Variants in PSME3 observed in about 807,000 individuals in gnomAD.
PSME3 encodes proteasome activator subunit 3.
In PSME3, 7 loss-of-function variants were observed where a neutral mutation model predicts 38.3. The observed-to-expected ratio is 0.18, with a 90% CI of 0.10 to 0.34. The LOEUF (loss-of-function observed/expected upper bound fraction) is 0.34, where lower values mean the gene tolerates loss of function less well. Among genes scored for constraint, PSME3 ranks in the 10% least tolerant of loss-of-function variants. PSME3 has a pLI of 1.00. For synonymous variants in PSME3, 108 were observed against 105.7 expected (o/e 1.02, Z -0.13); for missense variants, 192 against 307.6 (o/e 0.62, Z 2.81).
rs2055486529 is a variant in PSME3, at chr17:42,838,171, C to G, written c.371C>G (p.Pro124Arg). 6.2e-7 allele frequency: 1 copy of G among 1,613,992 alleles called. No individual in the cohort carries two copies. The highest frequency in any genetic ancestry group is 1.7e-5 in the Admixed American group (1 of 59,990). The change falls in exon 6 of 11, where the codon CCT (proline) becomes CGT (arginine). Residue 124 changes from proline (P) to arginine (R), a missense_variant. This residue lies in a region of PSME3 where 82 missense variants were observed against 168.2 expected (regional missense o/e 0.49). Transcript: ENST00000590720. ...GTGGACATTATTGAGAAAGTGAAAC[C>G]TGAGATCCGGCTGTTGATTGAGAAA... Reference protein sequence around the residue: ...QLVDIIEKVKPEIRLLIEKCN... With the variant: ...QLVDIIEKVKREIRLLIEKCN...
intron 10 of PSME3, among the ~76,000 whole-genome samples, chr17:42,839,628 G>A (rs1413609401): frequency 6.6e-6 from 1 of 152,168 alleles, no homozygotes; most frequent in East Asian, 1.9e-4. Flanking sequence ...GACAGACTTA[G>A]GTTTGCAACC....
chr17:42,834,296 T>C (rs750572912), intron 1 of PSME3, 48 bp from the exon 2 acceptor site: 1 of 1,613,520 alleles, frequency 6.2e-7, no homozygotes, highest in Non-Finnish European at 8.5e-7. Context: ...TCCATCCTGC[T>C]CTTACCTCTG....
At chr17:42,841,053 AACCT>A (rs1368065285) in intron 10 of PSME3, among the ~76,000 whole-genome samples, 13 of 151,618 alleles carry the variant, frequency 8.6e-5, no homozygotes, top group Non-Finnish European at 1.9e-4. Context: ...GAATGGCATG[AACCT>A]GGGAGGCGGA....
Position 42,839,160 on chromosome 17 carries a change from C to T in PSME3, c.591C>T (p.Pro197=), listed in dbSNP as rs773243590. ...AKLVSKIAKY[P]HVEDYRRTVT... is the part of the protein sequence containing the mutation. ...TGGTTTCTAAAATAGCTAAATATCC[C>T]CATGTGGTAAGTAAGGGGTTTGTGG... The change falls in exon 9 of 11, where the codon CCC becomes CCT. Residue 197 remains proline (P), a synonymous_variant. Coordinates refer to ENST00000590720, the MANE Select transcript of PSME3 (RefSeq NM_005789.4). The T allele has an allele frequency of 3.8e-6, 6 of 1,580,970 alleles. No homozygotes were observed. Among genetic ancestry groups the T allele is most frequent in the Admixed American group, 1.7e-5 (1 of 59,952 alleles).
chr17:42,841,224 A>AAT (rs1488004420), intron 10 of PSME3, among the ~76,000 whole-genome samples: 2 of 152,200 alleles, frequency 1.3e-5, no homozygotes, highest in Non-Finnish European at 2.9e-5. Context: ...ATGTATATCA[A>AAT]AACCAAGTTT....
intron 5 of PSME3, 75 bp from the exon 6 acceptor site, chr17:42,838,018 G>A: frequency 1.3e-6 from 2 of 1,504,898 alleles, no homozygotes; most frequent in Non-Finnish European, 1.8e-6. Flanking sequence ...ATAGGTATAG[G>A]GAAAATGAGA....
intron 10 of PSME3, 94 bp from the exon 11 acceptor site, chr17:42,841,404 A>C: frequency 1.5e-6 from 1 of 662,266 alleles, no homozygotes; most frequent in Non-Finnish European, 2.4e-6. Flanking sequence ...CCGTATGCAG[A>C]TGATTGCTTG....
At chr17:42,838,329 A>G in intron 6 of PSME3, 124 bp downstream of exon 6, 5 of 1,450,344 alleles carry the variant, frequency 3.4e-6, no homozygotes, top group South Asian at 1.4e-5. Context: ...TTTTTTTGAG[A>G]TGGGGTCTCG....
chr17:42,839,357 A>G lies in PSME3; in HGVS notation c.661A>G (p.Ile221Val). 2 of 1,611,654 alleles carry G rather than the reference A, an allele frequency of 1.2e-6. No individual in the cohort carries two copies. Among genetic ancestry groups the G allele is most frequent in the Non-Finnish European group, 1.7e-6 (2 of 1,178,212 alleles). Residue 221 changes from isoleucine to valine, a missense_variant, in exon 10 of 11, where the codon ATA becomes GTA. Physicochemically the swap from Ile to Val is conservative, Grantham distance 29 (BLOSUM62 3). Coordinates refer to ENST00000590720, the MANE Select transcript of PSME3 (RefSeq NM_005789.4). ...EKEYISLRLI[I>V]SELRNQYVTL... ...AGAATATATCAGCCTTCGGCTCATC[A>G]TATCAGAGCTGAGGAATCAATATGT...
rs914611112 is a variant in PSME3 at position 42,833,607 on chromosome 17, G to C, written c.-25G>C. On this transcript the variant is annotated 5_prime_UTR_variant, in exon 1 of 11. Transcript: ENST00000590720. ...GTCCACAGCGCCTCCGGTGTCCAGA[G>C]GATCGGACACGGCCCGGCCCGGCCA... is the stretch of plus-strand genomic sequence containing the variant. 1.9e-6 allele frequency: 3 copies of C among 1,614,036 alleles called. No homozygotes were observed. The highest frequency in any genetic ancestry group is 2.5e-6 in the Non-Finnish European group (3 of 1,180,014).
At chr17:42,840,725 A>ATG (rs1281181472) in intron 10 of PSME3, among the ~76,000 whole-genome samples, 1 of 152,212 alleles carries the variant, frequency 6.6e-6, no homozygotes, top group African/African-American at 2.4e-5. Flanking sequence ...TAAGTGCACA[A>ATG]TACATGTTAG....
chr17:42,834,430 G>C, intron 2 of PSME3, 54 bp downstream of exon 2: 1 of 1,602,414 alleles, frequency 6.2e-7, no homozygotes, highest in African/African-American at 1.4e-5. Context: ...CCAAAGAGGA[G>C]ATACCTGGAG....
In PSME3 at chr17:42,837,669, G is replaced by A. The variant is rs748379623; in HGVS notation, c.264G>A (p.Arg88=). 11 of 1,613,930 alleles carry A rather than the reference G, an allele frequency of 6.8e-6. No individual in the cohort carries two copies. Among genetic ancestry groups the A allele is most frequent in the Non-Finnish European group, 1.7e-6 (2 of 1,180,032 alleles). ...CTTAGCCCACTTATAAGAAGCGAAG[G>A]TTGGATGAGTGTGAAGAAGCCTTCC... The part of the protein sequence containing the change: ...GLDGPTYKKR[R]LDECEEAFQG... The change falls in exon 5 of 11, where the codon AGG becomes AGA. Residue 88 remains arginine, a synonymous_variant. Transcript: ENST00000590720.
intron 3 of PSME3, 64 bp downstream of exon 3, chr17:42,834,641 G>A (rs1227472533): frequency 6.2e-7 from 1 of 1,606,070 alleles, no homozygotes; most frequent in East Asian, 2.2e-5. Flanking sequence ...ACTGTCAACT[G>A]GGATAAACTG....
intron 6 of PSME3, 21 bp downstream of exon 6, chr17:42,838,226 C>G (rs1227214317): frequency 4.3e-6 from 7 of 1,613,204 alleles, no homozygotes; most frequent in Non-Finnish European, 5.9e-6. Flanking sequence ...GGCTGGTGAC[C>G]TATGGGCCGG....
In PSME3 at chr17:42,842,140, T is replaced by C. The variant is rs971212614; in HGVS notation, c.*562T>C. On this transcript the variant is annotated 3_prime_UTR_variant, in exon 11 of 11. Coordinates refer to ENST00000590720, the MANE Select transcript of PSME3 (RefSeq NM_005789.4). ...TTTGAATCTTGATCGTGACAAGAAA[T>C]ACCTTAGGCCTTCAGTCAATTCCGA... The C allele has an allele frequency of 1.3e-5, 2 of 152,516 alleles. No homozygotes were observed. The allele number at this position is 152,516 out of a possible 1,614,324, so 9.4% of individuals were successfully genotyped here. A position where few individuals can be genotyped will look rare whatever the true frequency, so the allele number is the denominator to read the frequency against.
Position 42,841,488 on chromosome 17 carries a change from C to G in PSME3, c.685-10C>G, listed in dbSNP as rs771151452. ...CAGATATGTGATTCCCCTGATCCCTCTTCTCTCAGGTCACTCTACATGACA... is the reference window on the plus strand; with the variant it reads ...CAGATATGTGATTCCCCTGATCCCTGTTCTCTCAGGTCACTCTACATGACA... On this transcript the variant is annotated splice_polypyrimidine_tract_variant and intron_variant, in intron 10 of 10. Transcript: ENST00000590720. The G allele has an allele frequency of 6.4e-7, 1 of 1,573,668 alleles. No homozygotes were observed. Among genetic ancestry groups the G allele is most frequent in the East Asian group, 2.3e-5 (1 of 44,312 alleles).
At position 42,841,681 on chromosome 17, in the gene PSME3, A is replaced by G; in HGVS notation, c.*103A>G. ...GATGGGGAAACTGGCTGGAAATAGT[A>G]ATCACACCTCTCTGTTTTTAGTTAG... On this transcript the variant is annotated 3_prime_UTR_variant, in exon 11 of 11. Transcript: ENST00000590720. The G allele has an allele frequency of 1.5e-6, 1 of 681,056 alleles. No individual in the cohort carries two copies. Among genetic ancestry groups the G allele is most frequent in the Non-Finnish European group, 2.4e-6 (1 of 422,024 alleles). The allele number at this position is 681,056 out of a possible 1,614,324, so 42.2% of individuals were successfully genotyped here.
intron 10 of PSME3, among the ~76,000 whole-genome samples, 168 bp downstream of exon 10, chr17:42,839,548 ATC>A (rs1319692466): frequency 3.3e-5 from 5 of 152,178 alleles, no homozygotes; most frequent in Non-Finnish European, 5.9e-5. Flanking sequence ...CTAGCAGGGT[ATC>A]TCTCTTTTTT....
Sources: allele counts gnomAD v4.1 joint callset (sites outside exome capture counted in the v4.1 genomes callset), GRCh38; gene constraint gnomAD v4.1.1; regional missense constraint gnomAD v4.1.1; transcripts MANE v1.5; gene names NCBI Gene and HGNC (gene_info 2026-07-23, HGNC 2026-07-21).